Variants in GOLGA4 observed in about 807,000 individuals in gnomAD.
The protein encoded by GOLGA4 is golgin A4, also known as golgin subfamily A member 4.
A neutral mutation model predicts 265.9 loss-of-function variants in GOLGA4; 169 were observed. That is an observed-to-expected ratio of 0.64 (90% CI 0.56 to 0.72). The LOEUF (loss-of-function observed/expected upper bound fraction) is 0.72, where lower values mean the gene tolerates loss of function less well. Among genes scored for constraint, GOLGA4 ranks in the 30% least tolerant of loss-of-function variants. GOLGA4 has a pLI of 0.00. For missense variants in GOLGA4, 2,482 were observed against 2,483.4 expected, an observed-to-expected ratio of 1.00 and a Z score of 0.01; for synonymous variants, 923 against 855.8, an observed-to-expected ratio of 1.08 and a Z score of -1.37.
chr3:37,318,968 T>TA (rs2096946171), intron 11 of GOLGA4, 95 bp from the exon 12 acceptor site: 1 of 819,636 alleles, frequency 1.2e-6, no homozygotes, highest in Non-Finnish European at 1.8e-6. Flanking sequence ...CTTAAAAACT[T>TA]ATTAGTTTGA....
At chr3:37,295,706 C>T (rs764792584) in intron 6 of GOLGA4, among the ~76,000 whole-genome samples, 24 of 152,146 alleles carry the variant, frequency 1.6e-4, no homozygotes, top group Admixed American at 7.9e-4. Flanking sequence ...TACAATAAGC[C>T]ATCCACATTG....
At chr3:37,364,429 A>G (rs1283636701) in intron 23 of GOLGA4, among the ~76,000 whole-genome samples, 3 of 151,494 alleles carry the variant, frequency 2.0e-5, no homozygotes, top group African/African-American at 4.9e-5. Context: ...TTTAGTAGAG[A>G]CCGGGTTTCA....
intron 16 of GOLGA4, among the ~76,000 whole-genome samples, chr3:37,332,989 A>G (rs1381546521): frequency 6.6e-6 from 1 of 152,224 alleles, no homozygotes; most frequent in Non-Finnish European, 1.5e-5. Context: ...CCCTTAGACT[A>G]TAAGCATCAC....
chr3:37,256,800 C>G (rs2150628358), intron 2 of GOLGA4, among the ~76,000 whole-genome samples: 1 of 152,214 alleles, frequency 6.6e-6, no homozygotes, highest in East Asian at 1.9e-4. Context: ...AGCTAACATC[C>G]TCCTATCCTC....
chr3:37,362,780 C>CCTTTTTTTTTTTTTTTTTTTTTTTTTTTT (rs1375290747), intron 23 of GOLGA4, among the ~76,000 whole-genome samples: 1 of 75,464 alleles, frequency 1.3e-5, no homozygotes, highest in African/African-American at 5.1e-5. Flanking sequence ...AGCCTCTAAG[C>CCTTTTTTTTTTTTTTTTTTTTTTTTTTTT]TTTTTTTTTT....
intron 12 of GOLGA4, chr3:37,319,847 C>CT (rs1239089733): frequency 2.6e-5 from 4 of 152,118 alleles, no homozygotes; most frequent in Admixed American, 2.0e-4. Context: ...TCCCTCCCAC[C>CT]TGGCAGTAGG....
intron 2 of GOLGA4, among the ~76,000 whole-genome samples, chr3:37,269,949 A>G (rs930783129): frequency 8.1e-6 from 1 of 123,590 alleles, no homozygotes; most frequent in Non-Finnish European, 1.6e-5. Flanking sequence ...GCTGAAGTGC[A>G]GTGTTGTGAT....
intron 11 of GOLGA4, among the ~76,000 whole-genome samples, chr3:37,318,425 T>TG (rs1236273894): frequency 6.6e-6 from 1 of 152,222 alleles, no homozygotes; most frequent in Non-Finnish European, 1.5e-5. Flanking sequence ...TGCTGTTCTA[T>TG]TGCTTTGTCT....
chr3:37,334,101 G>T lies in GOLGA4; in HGVS notation c.6193-952G>T, dbSNP rs532978399. Reference sequence around the variant, plus strand: ...TATTTTAGCACAAAGGTTATTGCAGGGTTTATAAGAATAAAGAGAAGTCTG... The same window carrying T: ...TATTTTAGCACAAAGGTTATTGCAGTGTTTATAAGAATAAAGAGAAGTCTG... On this transcript the variant is annotated intron_variant, in intron 16 of 23. Coordinates refer to ENST00000361924, the MANE Select transcript of GOLGA4 (RefSeq NM_002078.5). Among the ~76,000 whole-genome samples the T allele has an allele frequency of 5.3e-5, 8 of 152,192 alleles. No individual in the cohort carries two copies. The East Asian group carries it at 1.5e-3, about 29-fold the overall frequency.
chr3:37,265,903 T>C lies in GOLGA4; in HGVS notation c.162+14419T>C, dbSNP rs1022987709. Among the ~76,000 whole-genome samples the C allele has an allele frequency of 5.9e-5, 9 of 151,646 alleles. No individual in the cohort carries two copies. In the East Asian group the frequency reaches 7.8e-4, roughly 13 times the overall value. On this transcript the variant is annotated intron_variant, in intron 2 of 23. Coordinates refer to ENST00000361924, the MANE Select transcript of GOLGA4 (RefSeq NM_002078.5). ...ATTAGCAGGCATAGTGATGTGCGCC[T>C]GTAGTCCCAGCTACTCAGGAGGCTG...
intron 16 of GOLGA4, 76 bp downstream of exon 16, chr3:37,329,169 T>C: frequency 7.9e-7 from 1 of 1,261,092 alleles, no homozygotes. Context: ...AAAGATTTCC[T>C]TTTCAAATGT....
At chr3:37,276,301 T>A (rs1477776424) in intron 2 of GOLGA4, 1 of 1,598,884 alleles carries the variant, frequency 6.3e-7, no homozygotes, top group Non-Finnish European at 8.6e-7. Flanking sequence ...ATGCAAAAAA[T>A]CCAAATTTAA....
chr3:37,295,222 T>C, intron 6 of GOLGA4, 145 bp downstream of exon 6: 1 of 522,938 alleles, frequency 1.9e-6, no homozygotes, highest in Non-Finnish European at 3.4e-6. Context: ...TTTTTTTTAT[T>C]TTTAATTTTT....
At chr3:37,296,250 A>T in intron 7 of GOLGA4, 31 bp downstream of exon 7, 1 of 1,610,670 alleles carries the variant, frequency 6.2e-7, no homozygotes, top group East Asian at 2.2e-5. Flanking sequence ...AGGTTAATTT[A>T]AAAACTAGAG....
At chr3:37,352,256 G>A (rs2097076900) in intron 21 of GOLGA4, among the ~76,000 whole-genome samples, 1 of 152,014 alleles carries the variant, frequency 6.6e-6, no homozygotes, top group African/African-American at 2.4e-5. Flanking sequence ...ATGACATGAG[G>A]AAGGCCTCAG....
intron 10 of GOLGA4, among the ~76,000 whole-genome samples, chr3:37,306,967 G>A (rs1413772086): frequency 6.6e-6 from 1 of 151,926 alleles, no homozygotes; most frequent in Non-Finnish European, 1.5e-5. Context: ...ACTTTTAAGT[G>A]ATTTAAATAT....
intron 10 of GOLGA4, among the ~76,000 whole-genome samples, chr3:37,311,623 A>G (rs900326125): frequency 2.0e-5 from 3 of 152,230 alleles, no homozygotes; most frequent in Non-Finnish European, 2.9e-5. Flanking sequence ...CCATATGTCA[A>G]TGAAAGATTT....
chr3:37,262,127 T>G (rs1469327088), intron 2 of GOLGA4, among the ~76,000 whole-genome samples: 1 of 152,194 alleles, frequency 6.6e-6, no homozygotes, highest in Admixed American at 6.5e-5. Flanking sequence ...AGTAATAATT[T>G]TCTTAAAAAG....
chr3:37,249,514 T>G lies in GOLGA4; in HGVS notation c.73-1881T>G, dbSNP rs1213065593. ...ACTGCAACCTCTGCAGTTGAAGCAA[T>G]TCTCCTGCCTCAGCCTCCTGAGTAC... On this transcript the variant is annotated intron_variant, in intron 1 of 23. Coordinates refer to ENST00000361924, the MANE Select transcript of GOLGA4 (RefSeq NM_002078.5). 8.6e-4 allele frequency among the ~76,000 whole-genome samples: 131 copies of G among 152,202 alleles called. 1 individual carries two copies. Among genetic ancestry groups the G allele is most frequent in the Non-Finnish European group, 1.3e-4 (9 of 67,992 alleles).
Sources: gnomAD v4.1 joint callset for allele counts (sites outside exome capture counted in the v4.1 genomes callset) on GRCh38, gnomAD v4.1.1 for gene constraint, MANE v1.5 for transcripts, NCBI Gene and HGNC (gene_info 2026-07-23, HGNC 2026-07-21) for gene names.